The following TRIT1 variants were observed in gnomAD, a reference collection of about 807,000 sequenced individuals.
The protein encoded by TRIT1 is tRNA dimethylallyltransferase.
In TRIT1, 43 loss-of-function variants were observed where a neutral mutation model predicts 51.2. That is an observed-to-expected ratio of 0.84 (90% CI 0.66 to 1.08). TRIT1 has a LOEUF of 1.08. Ranked by LOEUF, TRIT1 falls within the 50% of genes least tolerant of loss-of-function variation. TRIT1 has a pLI of 0.00. For synonymous variants in TRIT1, 184 were observed against 203.9 expected (o/e 0.90, Z 0.83); for missense variants, 528 against 578.4 (o/e 0.91, Z 0.89).
chr1:39,870,980 G>A (rs1206432409), intron 1 of TRIT1, among the ~76,000 whole-genome samples: 1 of 152,202 alleles, frequency 6.6e-6, no homozygotes, highest in South Asian at 2.1e-4. Context: ...GATCACCTGA[G>A]ATCAGGAGTT....
At chr1:39,882,666 G>A (rs1318974020) in intron 1 of TRIT1, among the ~76,000 whole-genome samples, 1 of 152,234 alleles carries the variant, frequency 6.6e-6, no homozygotes, top group East Asian at 1.9e-4. Context: ...TCCGGACAGG[G>A]CACTCTGTTC....
At chr1:39,854,093 A>G (rs1557547768) in intron 2 of TRIT1, 25 bp from the exon 3 acceptor site, 2 of 1,500,502 alleles carry the variant, frequency 1.3e-6, no homozygotes, top group Admixed American at 1.8e-5. Context: ...AGATATCACG[A>G]TATCAAGAGA....
chr1:39,877,054 A>G (rs1644093099), intron 1 of TRIT1, among the ~76,000 whole-genome samples: 1 of 146,042 alleles, frequency 6.8e-6, no homozygotes, highest in Admixed American at 6.9e-5. Context: ...ACAGGTCTTC[A>G]AGCCTTTTAT....
intron 8 of TRIT1, among the ~76,000 whole-genome samples, chr1:39,845,231 C>T (rs1465032145): frequency 6.6e-6 from 1 of 152,220 alleles, no homozygotes. Flanking sequence ...AAAACCTGAT[C>T]TAGAGGGTAT....
In TRIT1 at chr1:39,883,319, T is replaced by G; in HGVS notation, c.173A>C (p.Gln58Pro). Reference sequence around the variant, plus strand: ...CCCGGGCCAGCCGCACTGCCATACCTGCATGGAGTCAGCGCTGACGATCTC... The same window carrying G: ...CCCGGGCCAGCCGCACTGCCATACCGGCATGGAGTCAGCGCTGACGATCTC... ...GGEIVSADSM[Q>P]VYEGLDIITN... Residue 58 changes from glutamine to proline, a missense_variant and splice_region_variant, in exon 1 of 11, where the codon CAG (glutamine) becomes CCG (proline). By Grantham distance (76) the Gln-to-Pro change is moderately conservative. Around this residue, in one of 3 missense-constraint regions of TRIT1, gnomAD observed 468 missense variants for 522.6 expected, o/e 0.90. Transcript: ENST00000316891. 2 of 1,605,534 alleles carry G rather than the reference T, an allele frequency of 1.2e-6. No individual in the cohort carries two copies. Among genetic ancestry groups the G allele is most frequent in the East Asian group, 2.2e-5 (1 of 44,462 alleles).
rs754397377 is a variant in TRIT1 at position 39,852,713 on chromosome 1, C to T, written c.560+18G>A. Reference sequence around the variant, plus strand: ...TAGTTGTAAAGGAATTTGGGGTCAGCGCGCCAGGCTTTCTTACCTGGCCAC... The same window carrying T: ...TAGTTGTAAAGGAATTTGGGGTCAGTGCGCCAGGCTTTCTTACCTGGCCAC... On this transcript the variant is annotated intron_variant, in intron 4 of 10. Coordinates refer to ENST00000316891, the MANE Select transcript of TRIT1 (RefSeq NM_017646.6). The T allele has an allele frequency of 2.5e-6, 4 of 1,610,444 alleles. No homozygotes were observed. The highest frequency in any genetic ancestry group is 1.1e-5 in the South Asian group (1 of 90,498).
chr1:39,875,449 C>T (rs1250473161), intron 1 of TRIT1, among the ~76,000 whole-genome samples: 3 of 151,942 alleles, frequency 2.0e-5, no homozygotes, highest in African/African-American at 7.3e-5. Context: ...GATTGCGCCA[C>T]TGCACTCCAG....
At position 39,857,437 on chromosome 1, in the gene TRIT1, C is replaced by T; in HGVS notation, c.175-20G>A. ...ATAGACCTAGGGGAAAGAAAATTAACATGAGAAAGTCAACCACCTCCATAA... is the reference window on the plus strand; with the variant it reads ...ATAGACCTAGGGGAAAGAAAATTAATATGAGAAAGTCAACCACCTCCATAA... On this transcript the variant is annotated intron_variant, in intron 1 of 10. Coordinates refer to ENST00000316891, the MANE Select transcript of TRIT1 (RefSeq NM_017646.6). 1 of 1,604,804 alleles carries T rather than the reference C, an allele frequency of 6.2e-7. No individual in the cohort carries two copies. The highest frequency in any genetic ancestry group is 2.2e-5 in the East Asian group (1 of 44,728).
In TRIT1 at chr1:39,841,438, T is replaced by G; in HGVS notation, c.*306A>C. Reference sequence around the variant, plus strand: ...GTATTCACCACAAAGAAGATCCTCATGTATAAAAATGTGGAATCTGTGCTG... The same window carrying G: ...GTATTCACCACAAAGAAGATCCTCAGGTATAAAAATGTGGAATCTGTGCTG... On this transcript the variant is annotated 3_prime_UTR_variant, in exon 11 of 11. Coordinates refer to ENST00000316891, the MANE Select transcript of TRIT1 (RefSeq NM_017646.6). 4.8e-6 allele frequency: 1 copy of G among 210,462 alleles called. No individual in the cohort carries two copies. The highest frequency in any genetic ancestry group is 1.0e-4 in the East Asian group (1 of 9,530). The allele number at this position is 210,462 out of a possible 1,614,324, so 13.0% of individuals were successfully genotyped here.
In TRIT1 at chr1:39,841,671, C is replaced by T. The variant is rs1004427831; in HGVS notation, c.*73G>A. 6 of 1,466,060 alleles carry T rather than the reference C, an allele frequency of 4.1e-6. No homozygotes were observed. The Admixed American group carries it at 1.4e-4, about 33-fold the overall frequency. 90.8% of individuals were successfully genotyped at this position (1,466,060 alleles called of 1,614,324 possible). On this transcript the variant is annotated 3_prime_UTR_variant, in exon 11 of 11. Transcript: ENST00000316891. ...TCCGCATAGCACTCCTTTGCCCAGA[C>T]TGGGAGACAAACATACCCCTCCCTC...
chr1:39,856,278 C>A (rs1401073667), intron 2 of TRIT1, among the ~76,000 whole-genome samples: 1 of 151,978 alleles, frequency 6.6e-6, no homozygotes, highest in African/African-American at 2.4e-5. Context: ...TGCACTCTAG[C>A]CTGGGTGACA....
At chr1:39,842,801 G>A (rs1325139534) in intron 10 of TRIT1, among the ~76,000 whole-genome samples, 1 of 152,170 alleles carries the variant, frequency 6.6e-6, no homozygotes, top group East Asian at 1.9e-4. Flanking sequence ...AATAAGTAAG[G>A]TAGAGGTTAG....
At position 39,854,073 on chromosome 1, in the gene TRIT1, A is replaced by G. The variant is rs1642752455; in HGVS notation, c.316-5T>C. On this transcript the variant is annotated splice_region_variant and splice_polypyrimidine_tract_variant and intron_variant, in intron 2 of 10. Transcript: ENST00000316891. ...TCGGGCAAATATATCTTCAATGTGA[A>G]CATTAAGAAAGATATCACGATATCA... The G allele has an allele frequency of 7.6e-6, 12 of 1,577,808 alleles. No homozygotes were observed. Among genetic ancestry groups the G allele is most frequent in the Admixed American group, 1.7e-5 (1 of 57,400 alleles).
In TRIT1 at chr1:39,863,031, T is replaced by C. The variant is rs150248837; in HGVS notation, c.175-5614A>G. On this transcript the variant is annotated intron_variant, in intron 1 of 10. Coordinates refer to ENST00000316891, the MANE Select transcript of TRIT1 (RefSeq NM_017646.6). ...CAACTGGCTTCTTTGTAAGGCCTGATGACTGAAATATTCTGAAAAATTCCA... is the reference window on the plus strand; with the variant it reads ...CAACTGGCTTCTTTGTAAGGCCTGACGACTGAAATATTCTGAAAAATTCCA... The C allele has an allele frequency of 3.2e-4, 251 of 778,856 alleles. No individual in the cohort carries two copies. In the African/African-American group the frequency reaches 4.4e-3, roughly 14 times the overall value. The allele number at this position is 778,856 out of a possible 1,614,324, so 48.2% of individuals were successfully genotyped here. A position where few individuals can be genotyped will look rare whatever the true frequency, so the allele number is the denominator to read the frequency against.
chr1:39,855,872 T>G (rs1642867290), intron 2 of TRIT1, among the ~76,000 whole-genome samples: 1 of 152,176 alleles, frequency 6.6e-6, no homozygotes, highest in African/African-American at 2.4e-5. Flanking sequence ...TACCTTCACC[T>G]GTCGAATCAA....
chr1:39,850,059 A>C, intron 5 of TRIT1, 60 bp downstream of exon 5: 2 of 1,581,002 alleles, frequency 1.3e-6, no homozygotes, highest in Non-Finnish European at 1.7e-6. Flanking sequence ...TTTTCTATAC[A>C]GTAACTTATT....
rs1318649671 is a variant in TRIT1 at position 39,869,930 on chromosome 1, G to T, written c.175-12513C>A. On this transcript the variant is annotated intron_variant, in intron 1 of 10. Coordinates refer to ENST00000316891, the MANE Select transcript of TRIT1 (RefSeq NM_017646.6). ...GCCCGGCCAGCCGCCCCGTCCGGGA[G>T]GCGGGGGGCGCCTCTGCCTGGCTGC... 2.0e-5 allele frequency among the ~76,000 whole-genome samples: 3 copies of T among 151,932 alleles called. No homozygotes were observed. In the East Asian group the frequency reaches 5.9e-4, roughly 30 times the overall value.
In TRIT1 at chr1:39,838,825, GTGTTT is replaced by G. The variant is rs966766330; in HGVS notation, c.*2914_*2918del. On this transcript the variant is annotated 3_prime_UTR_variant, in exon 11 of 11. Transcript: ENST00000316891. ...CTGTTATTTTTTAATGTTATACTGG[GTGTTT>G]TGTTTTGTTTTAAGCAAAAAAATCC... Among the ~76,000 whole-genome samples, 7 of 152,016 alleles carry G rather than the reference GTGTTT, an allele frequency of 4.6e-5. No individual in the cohort carries two copies. The highest frequency in any genetic ancestry group is 1.9e-4 in the East Asian group (1 of 5,192).
Position 39,854,080 on chromosome 1 carries a change from G to T in TRIT1, c.316-12C>A. On this transcript the variant is annotated splice_polypyrimidine_tract_variant and intron_variant, in intron 2 of 10. Coordinates refer to ENST00000316891, the MANE Select transcript of TRIT1 (RefSeq NM_017646.6). ...AATATATCTTCAATGTGAACATTAAGAAAGATATCACGATATCAAGAGAAT... is the reference window on the plus strand; with the variant it reads ...AATATATCTTCAATGTGAACATTAATAAAGATATCACGATATCAAGAGAAT... The T allele has an allele frequency of 6.4e-7, 1 of 1,558,834 alleles. No homozygotes were observed. Among genetic ancestry groups the T allele is most frequent in the Non-Finnish European group, 8.8e-7 (1 of 1,137,274 alleles).
Sources: allele counts gnomAD v4.1 joint callset (sites outside exome capture counted in the v4.1 genomes callset), GRCh38; gene constraint gnomAD v4.1.1; regional missense constraint gnomAD v4.1.1; transcripts MANE v1.5; gene names NCBI Gene and HGNC (gene_info 2026-07-23, HGNC 2026-07-21).